Variants in ATAT1 observed in about 807,000 individuals in gnomAD.
The protein encoded by ATAT1 is alpha tubulin acetyltransferase 1, also known as alpha-tubulin N-acetyltransferase 1.
A neutral mutation model predicts 57.2 loss-of-function variants in ATAT1; 42 were observed. That is an observed-to-expected ratio of 0.73 (90% CI 0.57 to 0.95). ATAT1 has a LOEUF of 0.95. Among genes scored for constraint, ATAT1 ranks in the 40% least tolerant of loss-of-function variants. The pLI, the probability that ATAT1 is intolerant of heterozygous loss-of-function variation, is 0.00. For missense variants in ATAT1, 454 were observed against 523.7 expected (o/e 0.87, Z 1.30); for synonymous variants, 168 against 187.1 (o/e 0.90, Z 0.83).
intron 10 of ATAT1, chr6:30,644,112 C>G: frequency 1.0e-6 from 1 of 986,434 alleles, no homozygotes; most frequent in Non-Finnish European, 1.2e-6. Flanking sequence ...GACTTACCAG[C>G]TTCCCAAAGG....
At position 30,646,687 on chromosome 6, in the gene ATAT1, C is replaced by A; in HGVS notation, c.*44C>A. The A allele has an allele frequency of 6.7e-7, 1 of 1,488,542 alleles. No homozygotes were observed. The highest frequency in any genetic ancestry group is 9.0e-7 in the Non-Finnish European group (1 of 1,111,588). The allele number at this position is 1,488,542 out of a possible 1,614,324, so 92.2% of individuals were successfully genotyped here. A position where few individuals can be genotyped will look rare whatever the true frequency, so the allele number is the denominator to read the frequency against. Reference sequence around the variant, plus strand: ...TCTTCAAAGTATTATTTCTCCCTCACTACAGGAAAGAGCCAAAGCCCAACC... The same window carrying A: ...TCTTCAAAGTATTATTTCTCCCTCAATACAGGAAAGAGCCAAAGCCCAACC... On this transcript the variant is annotated 3_prime_UTR_variant, in exon 13 of 13. Coordinates refer to ENST00000330083, the MANE Select transcript of ATAT1 (RefSeq NM_001031722.4).
At chr6:30,627,303 G>T (rs371727820) in intron 1 of ATAT1, 157 bp from the exon 2 acceptor site, 3 of 1,613,616 alleles carry the variant, frequency 1.9e-6, no homozygotes, top group Non-Finnish European at 2.5e-6. Context: ...TTTCAGAAGG[G>T]TGGGGTGGGA....
Position 30,642,841 on chromosome 6 carries a change from A to ACCCCCCCCCCCC in ATAT1, c.769_770insCCCCCCCCCCCC (p.Pro256_Arg257insProProProPro). ...GCCGCGCCACACCTCCAGCCCACCC[A>ACCCCCCCCCCCC]CCCCCCCGCTCCAGCAGCCTGGGAA... On this transcript the variant is annotated inframe_insertion, in exon 10 of 13. Coordinates refer to ENST00000330083, the MANE Select transcript of ATAT1 (RefSeq NM_001031722.4). 1.0e-5 allele frequency: 3 copies of ACCCCCCCCCCCC among 296,306 alleles called. No homozygotes were observed. Among genetic ancestry groups the ACCCCCCCCCCCC allele is most frequent in the Non-Finnish European group, 1.1e-5 (2 of 177,082 alleles). The allele number at this position is 296,306 out of a possible 1,614,324, so 18.4% of individuals were successfully genotyped here. A position where few individuals can be genotyped will look rare whatever the true frequency, so the allele number is the denominator to read the frequency against.
In ATAT1 at chr6:30,644,578, C is replaced by T. The variant is rs946367606; in HGVS notation, c.933-1317C>T. The T allele has an allele frequency of 7.7e-5, 76 of 985,468 alleles. No individual in the cohort carries two copies. In the African/African-American group the frequency reaches 1.2e-3, roughly 16 times the overall value. The allele number at this position is 985,468 out of a possible 1,614,324, so 61.0% of individuals were successfully genotyped here. ...CGGATCTCCCCATCTCCCCTACTCA[C>T]TCTTCCCTTTTCTTCTCTCAGTGTT... On this transcript the variant is annotated intron_variant, in intron 10 of 12. Transcript: ENST00000330083.
chr6:30,630,811 G>A (rs34193381), intron 6 of ATAT1, among the ~76,000 whole-genome samples: 4,929 of 148,618 alleles, frequency 0.033, 114 homozygotes, highest in Middle Eastern at 0.062. Flanking sequence ...GATGGCGTGC[G>A]CCTGTAATCC....
intron 9 of ATAT1, 92 bp downstream of exon 9, chr6:30,642,339 C>T (rs1765631544): frequency 1.3e-6 from 2 of 1,545,014 alleles, no homozygotes; most frequent in Non-Finnish European, 1.8e-6. Flanking sequence ...GATTCGTTCT[C>T]TCTAAAGACT....
In ATAT1 at chr6:30,641,106, T is replaced by TACACACACACACAC. The variant is rs1262818896; in HGVS notation, c.616+504_616+505insCACACACACACACA. Among the ~76,000 whole-genome samples, 40 of 140,940 alleles carry TACACACACACACAC rather than the reference T, an allele frequency of 2.8e-4. No individual in the cohort carries two copies. The South Asian group carries it at 5.3e-3, about 19-fold the overall frequency. 92.5% of individuals were successfully genotyped at this position (140,940 alleles called of 152,430 possible). A position where few individuals can be genotyped will look rare whatever the true frequency, so the allele number is the denominator to read the frequency against. On this transcript the variant is annotated intron_variant, in intron 8 of 12. Transcript: ENST00000330083. ...AATGCTGTCCAGATTCCCCATCCCA[T>TACACACACACACAC]ATACACACATACACACACACACACA... is the stretch of plus-strand genomic sequence containing the variant.
In ATAT1 at chr6:30,644,675, A is replaced by G. The variant is rs532693142; in HGVS notation, c.933-1220A>G. 60 of 975,268 alleles carry G rather than the reference A, an allele frequency of 6.2e-5. No individual in the cohort carries two copies. The African/African-American group carries it at 1.1e-3, about 17-fold the overall frequency. The allele number at this position is 975,268 out of a possible 1,614,324, so 60.4% of individuals were successfully genotyped here. A position where few individuals can be genotyped will look rare whatever the true frequency, so the allele number is the denominator to read the frequency against. On this transcript the variant is annotated intron_variant, in intron 10 of 12. Coordinates refer to ENST00000330083, the MANE Select transcript of ATAT1 (RefSeq NM_001031722.4). ...TCAATGAAAAAAAGAATCACAAAAA[A>G]AAAAGTTGTCAGCCTCATTTGTGCG...
Position 30,627,742 on chromosome 6 carries a change from C to G in ATAT1, c.224+15C>G. The G allele has an allele frequency of 6.2e-7, 1 of 1,609,660 alleles. No individual in the cohort carries two copies. The highest frequency in any genetic ancestry group is 8.5e-7 in the Non-Finnish European group (1 of 1,176,910). ...TCAGCCCGACCGTGAGTGCCACATG[C>G]TCTTCCATCCCATACTTAATTCCTT... On this transcript the variant is annotated intron_variant, in intron 3 of 12. Transcript: ENST00000330083.
At chr6:30,632,596 G>A (rs1429581780) in intron 6 of ATAT1, among the ~76,000 whole-genome samples, 1 of 151,816 alleles carries the variant, frequency 6.6e-6, no homozygotes, top group African/African-American at 2.4e-5. Flanking sequence ...GATCATTTTG[G>A]CTGTGATCTT....
intron 6 of ATAT1, among the ~76,000 whole-genome samples, chr6:30,629,851 ACTAATTTTCAACCCAAACATAGCCAG>A (rs1349511008): frequency 2.6e-5 from 4 of 152,116 alleles, no homozygotes; most frequent in Non-Finnish European, 5.9e-5. Context: ...ACCCCTTATG[ACTAATTTTCAACCCAAACATAGCCAG>A]CTCATTTTCA....
chr6:30,627,936 T>A lies in ATAT1; in HGVS notation c.285+25T>A, dbSNP rs763227717. On this transcript the variant is annotated intron_variant, in intron 4 of 12. Coordinates refer to ENST00000330083, the MANE Select transcript of ATAT1 (RefSeq NM_001031722.4). ...GGTGAGTGTTATTGGATGCTAGGAG[T>A]TCGTATACCTTGGTTTCTGAGAACA... The A allele has an allele frequency of 3.1e-6, 5 of 1,612,014 alleles. No homozygotes were observed. The East Asian group carries it at 6.7e-5, about 22-fold the overall frequency.
chr6:30,644,728 G>GAAA, intron 10 of ATAT1: 1 of 776,000 alleles, frequency 1.3e-6, no homozygotes, highest in Non-Finnish European at 1.6e-6. Flanking sequence ...GGGATCTCAG[G>GAAA]ACCTCTGTCC....
rs368725422 is a variant in ATAT1, at chr6:30,636,851, G to A, written c.502-3526G>A. 2.0e-4 allele frequency among the ~76,000 whole-genome samples: 30 copies of A among 151,842 alleles called. No homozygotes were observed. The South Asian group carries it at 2.5e-3, about 13-fold the overall frequency. The stretch of plus-strand genomic sequence containing the variant: ...TTTTGAGATGGAGTCTCAGTCTGTC[G>A]CCCAGGCTGGAGTGCAGTGGCACAA... On this transcript the variant is annotated intron_variant, in intron 6 of 12. Coordinates refer to ENST00000330083, the MANE Select transcript of ATAT1 (RefSeq NM_001031722.4).
chr6:30,627,217 G>C lies in ATAT1; in HGVS notation c.14G>C (p.Trp5Ser). ...CCCAATCAAAGGATGTGGTTGACCT[G>C]GCCTTTCTGCTTCCTCACAATAACC... is the stretch of plus-strand genomic sequence containing the variant. Residue 5 changes from tryptophan to serine, a missense_variant, in exon 1 of 13, where the codon TGG (tryptophan) becomes TCG (serine). By Grantham distance (177) the Trp-to-Ser change is radical. This residue lies in a region of ATAT1 where 236 missense variants were observed against 284.5 expected (regional missense o/e 0.83). Coordinates refer to ENST00000330083, the MANE Select transcript of ATAT1 (RefSeq NM_001031722.4). 1.2e-6 allele frequency: 2 copies of C among 1,613,942 alleles called. No individual in the cohort carries two copies. Among genetic ancestry groups the C allele is most frequent in the Non-Finnish European group, 1.7e-6 (2 of 1,179,878 alleles).
intron 10 of ATAT1, chr6:30,643,721 G>T: frequency 6.9e-7 from 1 of 1,439,794 alleles, no homozygotes; most frequent in South Asian, 1.4e-5. Flanking sequence ...AGGGATGTCA[G>T]GGTCTCAAAC....
chr6:30,643,180 A>G, intron 10 of ATAT1, 169 bp downstream of exon 10: 1 of 1,459,396 alleles, frequency 6.9e-7, no homozygotes, highest in South Asian at 1.5e-5. Context: ...TGGGAAAAAA[A>G]TGCAGTGAAG....
intron 6 of ATAT1, among the ~76,000 whole-genome samples, chr6:30,639,871 C>A (rs923184720): frequency 1.3e-5 from 2 of 151,864 alleles, no homozygotes; most frequent in East Asian, 1.9e-4. Flanking sequence ...TGGTGGCTCA[C>A]GTCTATAATC....
At position 30,636,615 on chromosome 6, in the gene ATAT1, A is replaced by T. The variant is rs1328865964; in HGVS notation, c.502-3762A>T. On this transcript the variant is annotated intron_variant, in intron 6 of 12. Transcript: ENST00000330083. Reference sequence around the variant, plus strand: ...AAAATAAATAAATAAATAAAAATAAACCACCTTTCAGGACACTACAAGCAG... The same window carrying T: ...AAAATAAATAAATAAATAAAAATAATCCACCTTTCAGGACACTACAAGCAG... Among the ~76,000 whole-genome samples, 3 of 150,662 alleles carry T rather than the reference A, an allele frequency of 2.0e-5. No homozygotes were observed. The East Asian group carries it at 6.0e-4, about 30-fold the overall frequency.
Sources: allele counts gnomAD v4.1 joint callset (sites outside exome capture counted in the v4.1 genomes callset), GRCh38; gene constraint gnomAD v4.1.1; regional missense constraint gnomAD v4.1.1; transcripts MANE v1.5; gene names NCBI Gene and HGNC (gene_info 2026-07-23, HGNC 2026-07-21).